PROM1: variants seen among roughly 807,000 people sequenced by gnomAD.
PROM1 encodes the protein prominin 1.
Under a neutral mutation model 116.9 loss-of-function variants are expected in PROM1, and 105 were observed. That is an observed-to-expected ratio of 0.90 (90% CI 0.77 to 1.06). The LOEUF is 1.06. Ranked by LOEUF, PROM1 falls within the 50% of genes least tolerant of loss-of-function variation. The pLI is 0.00. For missense variants in PROM1, 1,122 were observed against 1,045.2 expected, an observed-to-expected ratio of 1.07 and a Z score of -1.01; for synonymous variants, 393 against 387.0, an observed-to-expected ratio of 1.02 and a Z score of -0.18.
intron 2 of PROM1, among the ~76,000 whole-genome samples, chr4:16,048,840 T>A (rs1737174049): frequency 6.6e-6 from 1 of 152,236 alleles, no homozygotes; most frequent in Admixed American, 6.5e-5. Flanking sequence ...ACGTGTGGAC[T>A]GTGATTTTAC....
intron 23 of PROM1, among the ~76,000 whole-genome samples, chr4:15,981,400 C>A (rs1468328875): frequency 3.3e-5 from 5 of 151,764 alleles, no homozygotes; most frequent in Admixed American, 3.3e-4. Flanking sequence ...GAAACCCCGT[C>A]TCTACTAAAA....
intron 2 of PROM1, among the ~76,000 whole-genome samples, chr4:16,066,119 C>T (rs1344467835): frequency 6.6e-6 from 1 of 152,174 alleles, no homozygotes; most frequent in Non-Finnish European, 1.5e-5. Context: ...AGATTTTAGA[C>T]TTCCTGCCTA....
At chr4:16,021,994 G>T (rs184627813) in intron 8 of PROM1, among the ~76,000 whole-genome samples, 3 of 152,186 alleles carry the variant, frequency 2.0e-5, no homozygotes, top group African/African-American at 7.2e-5. Context: ...AGAAGAGGAA[G>T]GGACATCAGA....
chr4:15,993,795 C>T (rs1577899425), intron 16 of PROM1, among the ~76,000 whole-genome samples, 192 bp downstream of exon 16: 1 of 152,172 alleles, frequency 6.6e-6, no homozygotes, highest in Non-Finnish European at 1.5e-5. Flanking sequence ...GACAACTGGT[C>T]GGGCAGTGAG....
chr4:16,012,063 C>A (rs575633896), intron 11 of PROM1, among the ~76,000 whole-genome samples: 1 of 152,136 alleles, frequency 6.6e-6, no homozygotes, highest in African/African-American at 2.4e-5. Context: ...GTGGCACGAT[C>A]TCGGCTCACT....
chr4:15,992,555 C>G (rs1252985736), intron 16 of PROM1, among the ~76,000 whole-genome samples, 164 bp from the exon 17 acceptor site: 1 of 151,972 alleles, frequency 6.6e-6, no homozygotes, highest in Non-Finnish European at 1.5e-5. Context: ...GAGTTCAAAA[C>G]CAGCCAGGGC....
chr4:16,014,801 A>G (rs1383512264), intron 10 of PROM1, among the ~76,000 whole-genome samples: 1 of 152,210 alleles, frequency 6.6e-6, no homozygotes. Context: ...CTAAAAAGAA[A>G]TATTTATTGC....
chr4:16,008,912 C>T lies in PROM1; in HGVS notation c.1301+37G>A, dbSNP rs1048853997. ...TTTTTATCTCGTTCTCTACAAAGTTCACTCTCGTAGTTCACCAGCTCCAAG... is the reference window on the plus strand; with the variant it reads ...TTTTTATCTCGTTCTCTACAAAGTTTACTCTCGTAGTTCACCAGCTCCAAG... On this transcript the variant is annotated intron_variant, in intron 12 of 27. Transcript: ENST00000447510. 10 of 1,515,944 alleles carry T rather than the reference C, an allele frequency of 6.6e-6. No homozygotes were observed. The African/African-American group carries it at 1.2e-4, about 19-fold the overall frequency. The allele number at this position is 1,515,944 out of a possible 1,614,324, so 93.9% of individuals were successfully genotyped here.
At position 16,032,878 on chromosome 4, in the gene PROM1, C is replaced by T. The variant is rs1176087451; in HGVS notation, c.509+426G>A. Among the ~76,000 whole-genome samples, 6 of 152,310 alleles carry T rather than the reference C, an allele frequency of 3.9e-5. No homozygotes were observed. The East Asian group carries it at 1.2e-3, about 29-fold the overall frequency. On this transcript the variant is annotated intron_variant, in intron 5 of 27. Transcript: ENST00000447510. ...TACAATATTTTCAAATTTCCAAATT[C>T]AGGGACTGCATCAGTCCATCAAGAT... is the stretch of plus-strand genomic sequence containing the variant.
intron 2 of PROM1, among the ~76,000 whole-genome samples, chr4:16,052,417 C>T (rs560770790): frequency 2.8e-4 from 42 of 152,236 alleles, no homozygotes; most frequent in Non-Finnish European, 5.3e-4. Flanking sequence ...AGCAGAATGC[C>T]CCCTAATAAA....
chr4:16,076,020 T>C lies in PROM1; in HGVS notation c.-114A>G. The C allele has an allele frequency of 1.4e-6, 2 of 1,446,908 alleles. No individual in the cohort carries two copies. The allele number at this position is 1,446,908 out of a possible 1,614,324, so 89.6% of individuals were successfully genotyped here. On this transcript the variant is annotated 5_prime_UTR_variant, in exon 2 of 28. Coordinates refer to ENST00000447510, the MANE Select transcript of PROM1 (RefSeq NM_006017.3). Reference sequence around the variant, plus strand: ...TGGGCAGAAGAGGAGCAGGAAGCACTGGATCTGCTGAATCTTCAGTTTTCT... The same window carrying C: ...TGGGCAGAAGAGGAGCAGGAAGCACCGGATCTGCTGAATCTTCAGTTTTCT...
chr4:15,980,097 C>T (rs1406658870), intron 24 of PROM1, among the ~76,000 whole-genome samples, 193 bp from the exon 25 acceptor site: 1 of 151,836 alleles, frequency 6.6e-6, no homozygotes, highest in Non-Finnish European at 1.5e-5. Flanking sequence ...GGGCAGACTA[C>T]AGAGCCAAAA....
intron 4 of PROM1, 77 bp from the exon 5 acceptor site, chr4:16,033,586 CTTTTTTTT>C (rs60492380): frequency 1.8e-5 from 5 of 270,270 alleles, no homozygotes; most frequent in Non-Finnish European, 3.0e-5. Context: ...GTACAAAGTT[CTTTTTTTT>C]TTTTTTTTTT....
chr4:16,008,773 G>A (rs1425962967), intron 12 of PROM1, among the ~76,000 whole-genome samples, 176 bp downstream of exon 12: 1 of 152,196 alleles, frequency 6.6e-6, no homozygotes, highest in African/African-American at 2.4e-5. Context: ...TGTGCTGCCT[G>A]GTCTAAGCGA....
At chr4:16,064,783 C>G (rs1461227159) in intron 2 of PROM1, among the ~76,000 whole-genome samples, 4 of 151,922 alleles carry the variant, frequency 2.6e-5, no homozygotes, top group African/African-American at 9.7e-5. Context: ...ATCCCTGCTA[C>G]TCTGGAAGCA....
Position 15,979,249 on chromosome 4 carries a change from T to A in PROM1, c.2582+146A>T, listed in dbSNP as rs983282085. On this transcript the variant is annotated intron_variant, in intron 26 of 27. Coordinates refer to ENST00000447510, the MANE Select transcript of PROM1 (RefSeq NM_006017.3). Reference sequence around the variant, plus strand: ...ACTCATGGCATCATGGAACACTATGTAGAGCATGATTGGAGACTAGCATTG... The same window carrying A: ...ACTCATGGCATCATGGAACACTATGAAGAGCATGATTGGAGACTAGCATTG... 15 of 1,292,588 alleles carry A rather than the reference T, an allele frequency of 1.2e-5. No homozygotes were observed. The African/African-American group carries it at 2.0e-4, about 18-fold the overall frequency. 80.1% of individuals were successfully genotyped at this position (1,292,588 alleles called of 1,614,324 possible). A position where few individuals can be genotyped will look rare whatever the true frequency, so the allele number is the denominator to read the frequency against.
chr4:16,052,007 T>A (rs550492341), intron 2 of PROM1, among the ~76,000 whole-genome samples: 5 of 152,282 alleles, frequency 3.3e-5, no homozygotes, highest in African/African-American at 1.2e-4. Flanking sequence ...AGGGAGGGAA[T>A]GAAATGCCCA....
chr4:16,023,144 C>T (rs1384806115), intron 8 of PROM1, among the ~76,000 whole-genome samples, 182 bp downstream of exon 8: 3 of 152,134 alleles, frequency 2.0e-5, no homozygotes, highest in Non-Finnish European at 4.4e-5. Flanking sequence ...TTGGCACAAG[C>T]TTTAATAAAG....
intron 3 of PROM1, among the ~76,000 whole-genome samples, 185 bp from the exon 4 acceptor site, chr4:16,035,946 T>C (rs769733991): frequency 8.5e-5 from 13 of 152,214 alleles, no homozygotes; most frequent in Non-Finnish European, 1.8e-4. Flanking sequence ...CAAGAAACAG[T>C]GTTTTAAGTT....
Sources: allele counts gnomAD v4.1 joint callset (sites outside exome capture counted in the v4.1 genomes callset), GRCh38; gene constraint gnomAD v4.1.1; transcripts MANE v1.5; gene names NCBI Gene and HGNC (gene_info 2026-07-23, HGNC 2026-07-21).